The following ABCC6 variants were observed in gnomAD, a reference collection of about 807,000 sequenced individuals.
ABCC6 encodes the protein ATP-binding cassette sub-family C member 6.
In ABCC6, 126 loss-of-function variants were observed where a neutral mutation model predicts 169.5. That is an observed-to-expected ratio of 0.74 (90% CI 0.64 to 0.86). The LOEUF (loss-of-function observed/expected upper bound fraction) is 0.86. ABCC6 is among the 40% of genes least tolerant of loss of function. ABCC6 has a pLI of 0.00. For synonymous variants in ABCC6, 752 were observed against 814.7 expected (o/e 0.92, Z 1.31); for missense variants, 1,733 against 1,927.2 (o/e 0.90, Z 1.89).
rs572266339 is a variant in ABCC6 at position 16,192,890 on chromosome 16, A to T, written c.1371T>A (p.Ala457=). ...LLGPSALTAI[A]VFLSLLPLNF... ...TCAGAGGGAGGAGGCTCAGGAAGAC[A>T]GCGATGGCAGTGAGGGCGGAGGGCC... The change falls in exon 11 of 31, where the codon GCT becomes GCA. Residue 457 remains alanine (A), a synonymous_variant. Transcript: ENST00000205557. 5 of 1,614,148 alleles carry T rather than the reference A, an allele frequency of 3.1e-6. No individual in the cohort carries two copies. Among genetic ancestry groups the T allele is most frequent in the South Asian group, 2.2e-5 (2 of 91,080 alleles).
intron 17 of ABCC6, 97 bp from the exon 18 acceptor site, chr16:16,179,062 G>A (rs1302641132): frequency 7.4e-7 from 1 of 1,359,434 alleles, no homozygotes; most frequent in African/African-American, 1.4e-5. Context: ...TGCCCATCAG[G>A]GTGAGGTACA....
In ABCC6 at chr16:16,221,720, T is replaced by C. The variant is rs1334507946; in HGVS notation, c.148A>G (p.Ile50Val). ...TGGTGGTGGATGAAGAGGAGGTAGA[T>C]GGGACCAAGGACCCAGAGGTACATG... ...PPMYLWVLGP[I>V]YLLFIHHHGR... The change falls in exon 2 of 31, where the codon ATC (isoleucine) becomes GTC (valine). Residue 50 changes from isoleucine to valine, a missense_variant. Ile to Val is a conservative substitution (Grantham distance 29, BLOSUM62 3). Coordinates refer to ENST00000205557, the MANE Select transcript of ABCC6 (RefSeq NM_001171.6). 3.1e-6 allele frequency: 5 copies of C among 1,613,826 alleles called. No homozygotes were observed. The highest frequency in any genetic ancestry group is 3.3e-4 in the Middle Eastern group (2 of 6,056).
Position 16,155,184 on chromosome 16 carries a change from A to G in ABCC6, c.3883-153T>C, listed in dbSNP as rs146920823. On this transcript the variant is annotated intron_variant, in intron 27 of 30. Transcript: ENST00000205557. ...TCTCTTTCCATCTGTCTACCTTTCT[A>G]TATATCCACCCATCAATCCATCCAG... The G allele has an allele frequency of 1.7e-3, 1,507 of 861,522 alleles. 28 individuals carry two copies. In the South Asian group the frequency reaches 0.024, roughly 14 times the overall value. The allele number at this position is 861,522 out of a possible 1,614,324, so 53.4% of individuals were successfully genotyped here.
chr16:16,220,698 C>T (rs1331288481), intron 2 of ABCC6, among the ~76,000 whole-genome samples: 2 of 152,040 alleles, frequency 1.3e-5, no homozygotes, highest in African/African-American at 4.8e-5. Context: ...GAGTTGGAGA[C>T]CAGCCTGGCC....
chr16:16,218,013 C>G (rs1409665395), intron 4 of ABCC6, among the ~76,000 whole-genome samples: 2 of 152,176 alleles, frequency 1.3e-5, no homozygotes, highest in Non-Finnish European at 2.9e-5. Context: ...TCGATTGAAC[C>G]CGGAGGTGGA....
rs63750414 is a variant in ABCC6 at position 16,154,910 on chromosome 16, A to G, written c.4004T>C (p.Leu1335Pro). ...GCTGATCCTGGAGCGCAGTGTGTGC[A>G]GCCCCACGTGGGCAATGGGGACCCC... ...IDGVPIAHVG[L>P]HTLRSRISII... is the part of the protein sequence containing the mutation. Residue 1335 changes from leucine to proline, a missense_variant, in exon 28 of 31, where the codon CTG becomes CCG. Coordinates refer to ENST00000205557, the MANE Select transcript of ABCC6 (RefSeq NM_001171.6). 3 of 1,610,728 alleles carry G rather than the reference A, an allele frequency of 1.9e-6. No homozygotes were observed. The highest frequency in any genetic ancestry group is 2.5e-6 in the Non-Finnish European group (3 of 1,178,686).
intron 16 of ABCC6, 87 bp from the exon 17 acceptor site, chr16:16,182,675 G>T: frequency 6.3e-7 from 1 of 1,586,402 alleles, no homozygotes. Context: ...TGGGCTCTCA[G>T]TGGTGGGTGA....
At chr16:16,194,570 TTC>T (rs1291892011) in intron 10 of ABCC6, among the ~76,000 whole-genome samples, 2 of 152,188 alleles carry the variant, frequency 1.3e-5, no homozygotes, top group Non-Finnish European at 2.9e-5. Context: ...TGCTGTGACT[TTC>T]TGAGATTTCT....
chr16:16,191,943 A>G (rs2047875064), intron 11 of ABCC6, among the ~76,000 whole-genome samples: 1 of 152,214 alleles, frequency 6.6e-6, no homozygotes, highest in East Asian at 1.9e-4. Context: ...CCAGTTAAGG[A>G]AAACAAGGCA....
intron 12 of ABCC6, among the ~76,000 whole-genome samples, chr16:16,189,624 G>A (rs2047775229): frequency 6.6e-6 from 1 of 152,196 alleles, no homozygotes; most frequent in East Asian, 1.9e-4. Flanking sequence ...CGCCATGTTG[G>A]CCAGGCTGGT....
chr16:16,176,109 C>A, intron 19 of ABCC6, 123 bp from the exon 20 acceptor site: 2 of 882,740 alleles, frequency 2.3e-6, no homozygotes, highest in South Asian at 1.4e-5. Flanking sequence ...TGCCACGTCT[C>A]CAGCAACCTC....
At chr16:16,174,632 CTG>C (rs1275567605) in intron 20 of ABCC6, among the ~76,000 whole-genome samples, 1 of 151,636 alleles carries the variant, frequency 6.6e-6, no homozygotes, top group Non-Finnish European at 1.5e-5. Context: ...TCACATGTGC[CTG>C]TAGTCCCAGC....
At chr16:16,212,450 A>G (rs1027190486) in intron 5 of ABCC6, among the ~76,000 whole-genome samples, 1 of 149,386 alleles carries the variant, frequency 6.7e-6, no homozygotes. Context: ...CTGGGATGAC[A>G]GGTGTGCGCC....
intron 2 of ABCC6, among the ~76,000 whole-genome samples, chr16:16,220,925 C>T (rs1398584976): frequency 6.6e-6 from 1 of 151,248 alleles, no homozygotes; most frequent in African/African-American, 2.4e-5. Flanking sequence ...AAAAAAGTAA[C>T]ACAGTCATGA....
intron 22 of ABCC6, among the ~76,000 whole-genome samples, chr16:16,167,686 C>G (rs528392013): frequency 1.3e-5 from 2 of 152,320 alleles, no homozygotes; most frequent in African/African-American, 4.8e-5. Context: ...CCAGGCTGAT[C>G]TTGAACTCCT....
At chr16:16,182,692 G>A (rs1432625530) in intron 16 of ABCC6, 104 bp from the exon 17 acceptor site, 1 of 1,566,602 alleles carries the variant, frequency 6.4e-7, no homozygotes, top group South Asian at 1.1e-5. Context: ...GTGAGAGGTG[G>A]AGAGAATGAG....
chr16:16,163,280 A>G (rs986749360), intron 23 of ABCC6, 88 bp from the exon 24 acceptor site: 16 of 1,277,430 alleles, frequency 1.3e-5, no homozygotes, highest in Non-Finnish European at 1.7e-5. Flanking sequence ...CAAGTACAGG[A>G]TTCCAGACCA....
Position 16,203,421 on chromosome 16 carries a change from G to C in ABCC6, c.987C>G (p.Pro329=). The change falls in exon 8 of 31, where the codon CCC becomes CCG. Residue 329 remains proline, a synonymous_variant. Transcript: ENST00000205557. The stretch of plus-strand genomic sequence containing the variant: ...GGTCTGGGACTCACCTGAGCAGCTT[G>C]GGGACAGTGAACCTGAAGACATCAC... ...IISDVFRFTV[P]KLLSLFLEFI... is the part of the protein sequence containing the mutation. 6.2e-7 allele frequency: 1 copy of C among 1,613,876 alleles called. No individual in the cohort carries two copies. The highest frequency in any genetic ancestry group is 8.5e-7 in the Non-Finnish European group (1 of 1,179,848).
intron 14 of ABCC6, among the ~76,000 whole-genome samples, chr16:16,186,526 G>T (rs2047658070): frequency 6.6e-6 from 1 of 151,578 alleles, no homozygotes; most frequent in Admixed American, 6.6e-5. Context: ...ATCAGCAGCA[G>T]CAATAGATTC....
Sources: gnomAD v4.1 joint callset for allele counts (sites outside exome capture counted in the v4.1 genomes callset) on GRCh38, gnomAD v4.1.1 for gene constraint, MANE v1.5 for transcripts, NCBI Gene and HGNC (gene_info 2026-07-23, HGNC 2026-07-21) for gene names.